The following STK32A variants were observed in gnomAD, a reference collection of about 807,000 sequenced individuals.
The protein encoded by STK32A is serine/threonine kinase 32A.
STK32A carries 41 observed loss-of-function variants against 53.2 expected under a neutral mutation model. The observed-to-expected ratio is 0.77, with a 90% CI of 0.60 to 1.00. The LOEUF (loss-of-function observed/expected upper bound fraction) is 1.00. STK32A is among the 50% of genes least tolerant of loss of function. The probability of loss-of-function intolerance (pLI) is 0.00; values close to 1 mark genes in which losing one functional copy is unlikely to be tolerated. For missense variants in STK32A, 458 were observed against 485.8 expected (o/e 0.94, Z 0.54); for synonymous variants, 166 against 162.8 (o/e 1.02, Z -0.15).
intron 10 of STK32A, among the ~76,000 whole-genome samples, chr5:147,373,541 C>T (rs542073263): frequency 1.8e-4 from 28 of 152,196 alleles, no homozygotes; most frequent in African/African-American, 6.5e-4. Flanking sequence ...AGCTTTTAAC[C>T]ACTTTTTATG....
chr5:147,348,974 C>G, intron 6 of STK32A: 1 of 463,126 alleles, frequency 2.2e-6, no homozygotes, highest in Non-Finnish European at 4.0e-6. Context: ...AGAACCTAGA[C>G]TTGAAGCCAA....
chr5:147,248,996 T>G (rs2151941419), intron 2 of STK32A, among the ~76,000 whole-genome samples: 1 of 152,288 alleles, frequency 6.6e-6, no homozygotes, highest in Non-Finnish European at 1.5e-5. Flanking sequence ...TATCATGGCA[T>G]CAGAGGGCTA....
chr5:147,366,099 T>C (rs546946144), intron 8 of STK32A, among the ~76,000 whole-genome samples: 1 of 151,786 alleles, frequency 6.6e-6, no homozygotes, highest in African/African-American at 2.4e-5. Flanking sequence ...CCCCGCCCAC[T>C]CCCCACAACA....
chr5:147,300,564 T>A (rs1753082119), intron 4 of STK32A, among the ~76,000 whole-genome samples: 1 of 152,258 alleles, frequency 6.6e-6, no homozygotes, highest in South Asian at 2.1e-4. Flanking sequence ...AATGAGCATG[T>A]GAATGAATGT....
At chr5:147,237,955 C>T (rs2151936540) in intron 1 of STK32A, among the ~76,000 whole-genome samples, 1 of 152,082 alleles carries the variant, frequency 6.6e-6, no homozygotes, top group African/African-American at 2.4e-5. Context: ...AGGAAATCAA[C>T]TATTTTTTTA....
intron 4 of STK32A, 140 bp downstream of exon 4, chr5:147,279,538 A>T: frequency 1.3e-6 from 1 of 744,498 alleles, no homozygotes; most frequent in East Asian, 2.7e-5. Flanking sequence ...TTCAAGGATG[A>T]GTTGGAAAAC....
intron 2 of STK32A, among the ~76,000 whole-genome samples, chr5:147,254,835 G>C (rs183791855): frequency 1.3e-5 from 2 of 152,140 alleles, no homozygotes; most frequent in African/African-American, 2.4e-5. Context: ...TTATGAGGAA[G>C]TTACGTTTAA....
chr5:147,372,269 CTTTTTTTTTTTTT>C (rs71274369), intron 9 of STK32A, among the ~76,000 whole-genome samples: 3 of 49,350 alleles, frequency 6.1e-5, no homozygotes, highest in African/African-American at 8.1e-5. Context: ...TGGGCTTGGC[CTTTTTTTTTTTTT>C]TTTTTTTTTT....
At chr5:147,293,996 G>T (rs1323603609) in intron 4 of STK32A, among the ~76,000 whole-genome samples, 1 of 152,120 alleles carries the variant, frequency 6.6e-6, no homozygotes, top group Admixed American at 6.5e-5. Context: ...AGCTTTGACT[G>T]CAGAAGATAA....
At chr5:147,258,605 C>T (rs1353899282) in intron 2 of STK32A, among the ~76,000 whole-genome samples, 1 of 152,028 alleles carries the variant, frequency 6.6e-6, no homozygotes, top group Admixed American at 6.6e-5. Context: ...TGTAAACATC[C>T]CTTTCTTTAA....
intron 6 of STK32A, among the ~76,000 whole-genome samples, chr5:147,350,241 A>T (rs940753839): frequency 6.8e-6 from 1 of 146,438 alleles, no homozygotes; most frequent in African/African-American, 2.5e-5. Context: ...ATTATCAGAC[A>T]AAAAATATGT....
chr5:147,362,115 G>A (rs1314744436), intron 8 of STK32A, among the ~76,000 whole-genome samples: 1 of 152,128 alleles, frequency 6.6e-6, no homozygotes, highest in Non-Finnish European at 1.5e-5. Flanking sequence ...CTTAAACTAA[G>A]AATCTCTTTC....
chr5:147,365,685 C>A (rs1005433237), intron 8 of STK32A, among the ~76,000 whole-genome samples: 1 of 152,104 alleles, frequency 6.6e-6, no homozygotes, highest in African/African-American at 2.4e-5. Context: ...CTGTGTTAGA[C>A]CCTTGCTAGC....
intron 6 of STK32A, among the ~76,000 whole-genome samples, chr5:147,349,197 G>A (rs1421867576): frequency 6.6e-6 from 1 of 152,164 alleles, no homozygotes; most frequent in Non-Finnish European, 1.5e-5. Context: ...CTTTTTTTTA[G>A]ATGAGTGCTA....
At chr5:147,380,119 GA>G (rs555038507) in intron 11 of STK32A, among the ~76,000 whole-genome samples, 45 of 151,780 alleles carry the variant, frequency 3.0e-4, no homozygotes, top group African/African-American at 6.5e-4. Flanking sequence ...ATAGTAGAGG[GA>G]AAAAAAATCC....
the STK32A span, chr5:147,394,163 A>C: frequency 1.9e-6 from 3 of 1,573,690 alleles, no homozygotes; most frequent in African/African-American, 4.1e-5. Context: ...AAAAAAAAAC[A>C]GAGTGGCGGG....
At chr5:147,246,692 A>T (rs929408133) in intron 2 of STK32A, among the ~76,000 whole-genome samples, 12 of 152,206 alleles carry the variant, frequency 7.9e-5, no homozygotes, top group African/African-American at 2.9e-4. Context: ...ACAAATTTTT[A>T]CATGTGAAAT....
intron 4 of STK32A, among the ~76,000 whole-genome samples, chr5:147,294,741 T>C (rs1752787065): frequency 6.6e-6 from 1 of 151,864 alleles, no homozygotes; most frequent in Non-Finnish European, 1.5e-5. Context: ...TGGAGTGCAA[T>C]GGTGCGATCT....
chr5:147,343,046 A>G lies in STK32A; in HGVS notation c.472+3A>G. On this transcript the variant is annotated splice_donor_region_variant and intron_variant, in intron 6 of 12. Coordinates refer to ENST00000397936, the MANE Select transcript of STK32A (RefSeq NM_001112724.2). ...CAATATTTTACTTGACGAACATGGT[A>G]AGTGAGTGATTTGTTTGCAATCAAG... 1 of 1,613,298 alleles carries G rather than the reference A, an allele frequency of 6.2e-7. No individual in the cohort carries two copies. The highest frequency in any genetic ancestry group is 8.5e-7 in the Non-Finnish European group (1 of 1,179,638).
Sources: allele counts gnomAD v4.1 joint callset (sites outside exome capture counted in the v4.1 genomes callset), GRCh38; gene constraint gnomAD v4.1.1; transcripts MANE v1.5; gene names NCBI Gene and HGNC (gene_info 2026-07-23, HGNC 2026-07-21).